Variants in CDKL2 observed in about 807,000 individuals in gnomAD.
The protein encoded by CDKL2 is cyclin-dependent kinase-like 2.
A neutral mutation model predicts 63.9 loss-of-function variants in CDKL2; 64 were observed. The ratio of observed to expected loss-of-function variants is 1.00; its 90% CI spans 0.82 to 1.23. The LOEUF (loss-of-function observed/expected upper bound fraction) is 1.23, where lower values mean the gene tolerates loss of function less well. CDKL2 is among the 50% of genes most tolerant of loss of function. The probability of loss-of-function intolerance (pLI) is 0.00; values close to 1 mark genes in which losing one functional copy is unlikely to be tolerated. For missense variants in CDKL2, 656 were observed against 668.0 expected, an observed-to-expected ratio of 0.98 and a Z score of 0.20; for synonymous variants, 211 against 229.2, an observed-to-expected ratio of 0.92 and a Z score of 0.72.
chr4:75,587,273 G>A (rs1307215863), intron 12 of CDKL2, among the ~76,000 whole-genome samples: 1 of 151,916 alleles, frequency 6.6e-6, no homozygotes, highest in Non-Finnish European at 1.5e-5. Context: ...GGCCAACATG[G>A]TGAAACCCCG....
chr4:75,596,965 C>G lies in CDKL2; in HGVS notation c.1292G>C (p.Gly431Ala). The change falls in exon 9 of 14, where the codon GGG becomes GCG. Residue 431 changes from glycine (G) to alanine (A), a missense_variant. By Grantham distance (60) the Gly-to-Ala change is moderately conservative. Transcript: ENST00000307465. Reference sequence around the variant, plus strand: ...ACCCTGAATTGGTATAGTCTCAGTCCCCATTCCAGAATTAATGCTGGGAGC... The same window carrying G: ...ACCCTGAATTGGTATAGTCTCAGTCGCCATTCCAGAATTAATGCTGGGAGC... ...AVAPSINSGM[G>A]TETIPIQGYR... 6.2e-7 allele frequency: 1 copy of G among 1,613,956 alleles called. No homozygotes were observed. Among genetic ancestry groups the G allele is most frequent in the Non-Finnish European group, 8.5e-7 (1 of 1,179,934 alleles).
chr4:75,603,023 C>T (rs1476390257), intron 6 of CDKL2, among the ~76,000 whole-genome samples: 11 of 123,716 alleles, frequency 8.9e-5, no homozygotes, highest in Non-Finnish European at 1.4e-4. Context: ...GACGGAGTCT[C>T]GCTCTGTCGC....
At chr4:75,614,050 C>G (rs747650604) in intron 3 of CDKL2, among the ~76,000 whole-genome samples, 4 of 152,172 alleles carry the variant, frequency 2.6e-5, no homozygotes, top group African/African-American at 4.8e-5. Flanking sequence ...GAGCGAGACT[C>G]TGTCTCGGAA....
chr4:75,619,649 G>C (rs1311534896), intron 2 of CDKL2, among the ~76,000 whole-genome samples: 2 of 144,952 alleles, frequency 1.4e-5, no homozygotes, highest in African/African-American at 5.0e-5. Flanking sequence ...GCTAAGGACC[G>C]ACAATGTCTT....
chr4:75,577,217 T>C lies in CDKL2; in HGVS notation c.*1985A>G, dbSNP rs1157237252. Among the ~76,000 whole-genome samples the C allele has an allele frequency of 6.6e-6, 1 of 152,140 alleles. No homozygotes were observed. The highest frequency in any genetic ancestry group is 2.4e-5 in the African/African-American group (1 of 41,458). ...TCCCTATTAGTGTGTGACTAAATCA[T>C]ATCCTTGCAAGAGAAACTAAATAAC... On this transcript the variant is annotated 3_prime_UTR_variant, in exon 14 of 14. Coordinates refer to ENST00000307465, the MANE Select transcript of CDKL2 (RefSeq NM_001330724.2).
At chr4:75,604,094 A>G (rs2148887003) in intron 5 of CDKL2, 138 bp from the exon 6 acceptor site, 2 of 736,648 alleles carry the variant, frequency 2.7e-6, no homozygotes, top group East Asian at 5.3e-5. Context: ...AAAATTGACC[A>G]AAGACAATGC....
chr4:75,605,042 G>A (rs142891516), intron 5 of CDKL2, among the ~76,000 whole-genome samples: 15 of 152,252 alleles, frequency 9.9e-5, no homozygotes, highest in Non-Finnish European at 1.9e-4. Flanking sequence ...ATGCCAGACT[G>A]AAGGAAAAAA....
intron 1 of CDKL2, among the ~76,000 whole-genome samples, 173 bp from the exon 2 acceptor site, chr4:75,626,190 G>T (rs750460256): frequency 6.6e-6 from 1 of 152,018 alleles, no homozygotes; most frequent in African/African-American, 2.4e-5. Context: ...TTTCAAAATG[G>T]TCACACACAT....
intron 12 of CDKL2, among the ~76,000 whole-genome samples, chr4:75,589,722 A>G (rs1313417829): frequency 1.3e-5 from 2 of 152,212 alleles, no homozygotes; most frequent in East Asian, 1.9e-4. Flanking sequence ...AAATGTTTAT[A>G]TAACACTTCA....
At chr4:75,587,357 G>A (rs1728519620) in intron 12 of CDKL2, among the ~76,000 whole-genome samples, 1 of 152,130 alleles carries the variant, frequency 6.6e-6, no homozygotes, top group Non-Finnish European at 1.5e-5. Flanking sequence ...GGGAGGCTGA[G>A]GCAGGAGAAT....
chr4:75,588,807 T>C (rs1226738695), intron 12 of CDKL2, among the ~76,000 whole-genome samples: 3 of 149,430 alleles, frequency 2.0e-5, no homozygotes, highest in Non-Finnish European at 4.5e-5. Flanking sequence ...CTTAGAGAGA[T>C]GGCTGATTTC....
chr4:75,592,145 C>T lies in CDKL2; in HGVS notation c.1540+1G>A, dbSNP rs1439996734. The stretch of plus-strand genomic sequence containing the variant: ...ACAAAGTAAAAGCATTATCAACACA[C>T]CTATGCCTCCCAGTGCTCTTAGTTC... On this transcript the variant is annotated splice_donor_variant, in intron 11 of 13. Coordinates refer to ENST00000307465, the MANE Select transcript of CDKL2 (RefSeq NM_001330724.2). LOFTEE classifies it high-confidence loss of function. 6.5e-7 allele frequency: 1 copy of T among 1,531,822 alleles called. No homozygotes were observed. Among genetic ancestry groups the T allele is most frequent in the Non-Finnish European group, 8.7e-7 (1 of 1,145,664 alleles). 94.9% of individuals were successfully genotyped at this position (1,531,822 alleles called of 1,614,324 possible). A position where few individuals can be genotyped will look rare whatever the true frequency, so the allele number is the denominator to read the frequency against.
chr4:75,629,884 G>C (rs1211431150), intron 1 of CDKL2, among the ~76,000 whole-genome samples, 158 bp downstream of exon 1: 2 of 138,800 alleles, frequency 1.4e-5, no homozygotes, highest in Non-Finnish European at 3.0e-5. Flanking sequence ...GTTGCGGTGA[G>C]CCGAGACCAT....
At chr4:75,617,202 T>TA (rs573485774) in intron 2 of CDKL2, among the ~76,000 whole-genome samples, 28 of 150,228 alleles carry the variant, frequency 1.9e-4, no homozygotes, top group South Asian at 6.3e-4. Context: ...ACTTAAAAGT[T>TA]AAAAAAAAAC....
intron 8 of CDKL2, 78 bp downstream of exon 8, chr4:75,597,999 T>C (rs1043227369): frequency 2.4e-5 from 25 of 1,056,744 alleles, no homozygotes; most frequent in Middle Eastern, 3.2e-4. Flanking sequence ...AGAAAACTTT[T>C]TTCAAAATCA....
At chr4:75,599,035 T>C (rs545426679) in intron 7 of CDKL2, among the ~76,000 whole-genome samples, 1 of 152,326 alleles carries the variant, frequency 6.6e-6, no homozygotes, top group Non-Finnish European at 1.5e-5. Flanking sequence ...CACAAAACTT[T>C]TATGAGATAG....
At chr4:75,592,081 T>A in intron 11 of CDKL2, 65 bp downstream of exon 11, 1 of 1,437,828 alleles carries the variant, frequency 7.0e-7, no homozygotes, top group Middle Eastern at 1.8e-4. Flanking sequence ...ATTTTTAAAT[T>A]CTGTCTAACA....
chr4:75,596,819 G>T, intron 9 of CDKL2, 116 bp downstream of exon 9: 1 of 874,578 alleles, frequency 1.1e-6, no homozygotes, highest in Non-Finnish European at 1.7e-6. Context: ...TACCTGACAA[G>T]AATGAATAGC....
At chr4:75,614,192 GAC>G in intron 3 of CDKL2, 61 bp downstream of exon 3, 1 of 1,066,920 alleles carries the variant, frequency 9.4e-7, no homozygotes. Context: ...AAATCAATAA[GAC>G]AGATTAAAGG....
Sources: allele counts gnomAD v4.1 joint callset (sites outside exome capture counted in the v4.1 genomes callset), GRCh38; gene constraint gnomAD v4.1.1; transcripts MANE v1.5; gene names NCBI Gene and HGNC (gene_info 2026-07-23, HGNC 2026-07-21).